The following GPHN variants were observed in gnomAD, a reference collection of about 807,000 sequenced individuals.
GPHN encodes the protein gephyrin.
In GPHN, 17 loss-of-function variants were observed where a neutral mutation model predicts 95.5. The observed-to-expected ratio is 0.18, with a 90% confidence interval of 0.12 to 0.27. GPHN has a LOEUF of 0.27. Among genes scored for constraint, GPHN ranks in the 10% least tolerant of loss-of-function variants. GPHN has a pLI of 1.00. For synonymous variants in GPHN, 320 were observed against 322.5 expected, an observed-to-expected ratio of 0.99 and a Z score of 0.08; for missense variants, 660 against 978.1, an observed-to-expected ratio of 0.67 and a Z score of 4.34.
the GPHN span, among the ~76,000 whole-genome samples, chr14:67,655,053 A>T: frequency 6.7e-5 from 10 of 150,244 alleles, no homozygotes; most frequent in Non-Finnish European, 8.9e-5. Context: ...AAAAAAAAAA[A>T]TTCCAGCTGG....
At chr14:67,040,199 G>C (rs1395784398) in intron 10 of GPHN, among the ~76,000 whole-genome samples, 8 of 152,046 alleles carry the variant, frequency 5.3e-5, no homozygotes, top group Non-Finnish European at 1.2e-4. Flanking sequence ...CTTCAGAAAT[G>C]TTACAAGAAT....
intron 8 of GPHN, among the ~76,000 whole-genome samples, chr14:66,941,651 A>G (rs1421603701): frequency 6.6e-6 from 1 of 151,936 alleles, no homozygotes; most frequent in African/African-American, 2.4e-5. Context: ...GACTCCTGAA[A>G]GGGAAACACA....
the GPHN span, among the ~76,000 whole-genome samples, chr14:67,194,094 G>T: frequency 6.6e-6 from 1 of 151,960 alleles, no homozygotes; most frequent in Non-Finnish European, 1.5e-5. Context: ...CAGGCACAGT[G>T]ACTCACACCT....
the GPHN span, among the ~76,000 whole-genome samples, chr14:67,285,494 G>A: frequency 1.3e-5 from 2 of 151,556 alleles, no homozygotes; most frequent in African/African-American, 2.4e-5. Flanking sequence ...AGCCTCCCGA[G>A]TAGCTGAGAC....
At chr14:66,592,845 C>A (rs9778232) in intron 1 of GPHN, among the ~76,000 whole-genome samples, 2 of 152,164 alleles carry the variant, frequency 1.3e-5, no homozygotes, top group Middle Eastern at 3.2e-3. Context: ...AGGACACATG[C>A]ACACATACGT....
At chr14:66,615,034 A>AAGAATG (rs1555361179) in intron 1 of GPHN, among the ~76,000 whole-genome samples, 9 of 152,172 alleles carry the variant, frequency 5.9e-5, no homozygotes, top group African/African-American at 2.2e-4. Context: ...GTCCCTGCAA[A>AAGAATG]AGACATGATC....
the GPHN span, chr14:67,678,569 A>AT: frequency 1.7e-6 from 1 of 579,736 alleles, no homozygotes; most frequent in South Asian, 2.1e-5. Context: ...TTATCTCTTC[A>AT]TTCTCCAGTC....
At chr14:67,542,043 G>T in the GPHN span, 3 of 1,504,914 alleles carry the variant, frequency 2.0e-6, no homozygotes, top group Non-Finnish European at 1.8e-6. Context: ...GAGGTTTATG[G>T]CAGGGAGGGC....
At chr14:67,006,978 T>G (rs2072653560) in intron 9 of GPHN, among the ~76,000 whole-genome samples, 1 of 152,174 alleles carries the variant, frequency 6.6e-6, no homozygotes, top group South Asian at 2.1e-4. Flanking sequence ...ATGACTTAAT[T>G]CCCTCATATC....
rs192817829 is a variant in GPHN at position 67,156,921 on chromosome 14, G to A, written c.1837-2494G>A. ...GAGACAGAGGTTGCCAACGTGAGCC[G>A]AGATCGCGCCACTGCACTCCAGCCT... On this transcript the variant is annotated intron_variant, in intron 18 of 22. Transcript: ENST00000478722. Among the ~76,000 whole-genome samples, 316 of 150,812 alleles carry A rather than the reference G, an allele frequency of 2.1e-3. 1 individual carries two copies. The highest frequency in any genetic ancestry group is 7.2e-3 in the African/African-American group (295 of 41,044).
chr14:66,835,695 C>A (rs1226624246), intron 4 of GPHN, among the ~76,000 whole-genome samples: 3 of 152,036 alleles, frequency 2.0e-5, no homozygotes, highest in Admixed American at 2.0e-4. Flanking sequence ...ATCTAGAAAA[C>A]CCCATTGTCT....
the GPHN span, among the ~76,000 whole-genome samples, chr14:67,367,247 T>G: frequency 1.3e-4 from 20 of 152,316 alleles, no homozygotes; most frequent in Admixed American, 9.8e-4. Flanking sequence ...TCTCTTTTTT[T>G]GGGGGATGGA....
At chr14:66,675,213 G>A (rs144665518) in intron 1 of GPHN, among the ~76,000 whole-genome samples, 8,746 of 147,866 alleles carry the variant, frequency 0.059, 341 homozygotes, top group Middle Eastern at 0.094. Flanking sequence ...GCACGATCTC[G>A]GCTCACTGCA....
chr14:67,259,505 A>T, the GPHN span, among the ~76,000 whole-genome samples: 5 of 152,022 alleles, frequency 3.3e-5, no homozygotes, highest in African/African-American at 4.8e-5. Context: ...CCAGTTACTC[A>T]GGAGGCTGAG....
chr14:66,986,016 G>A (rs2071006480), intron 9 of GPHN, among the ~76,000 whole-genome samples: 2 of 151,904 alleles, frequency 1.3e-5, no homozygotes, highest in African/African-American at 4.8e-5. Context: ...TATAATTTGG[G>A]GTTCTAGAAT....
chr14:67,158,048 T>C (rs913341963), intron 18 of GPHN, among the ~76,000 whole-genome samples: 1 of 152,016 alleles, frequency 6.6e-6, no homozygotes, highest in Non-Finnish European at 1.5e-5. Flanking sequence ...GGTTCACGCC[T>C]GTAATCCCAG....
chr14:67,479,929 C>G, the GPHN span, among the ~76,000 whole-genome samples: 1 of 152,064 alleles, frequency 6.6e-6, no homozygotes, highest in African/African-American at 2.4e-5. Context: ...GTTCAGGGAC[C>G]CCAGATGATC....
intron 1 of GPHN, among the ~76,000 whole-genome samples, chr14:66,595,583 G>A (rs1280093848): frequency 6.6e-6 from 1 of 152,222 alleles, no homozygotes; most frequent in Non-Finnish European, 1.5e-5. Context: ...TAGTTGTGGT[G>A]TGGTGGACAG....
chr14:66,645,691 CAAAA>C (rs35278627), intron 1 of GPHN, among the ~76,000 whole-genome samples: 1 of 109,078 alleles, frequency 9.2e-6, no homozygotes. Flanking sequence ...GACTCCATTT[CAAAA>C]AAAAAAAAAA....
Sources: allele counts gnomAD v4.1 joint callset (sites outside exome capture counted in the v4.1 genomes callset), GRCh38; gene constraint gnomAD v4.1.1; transcripts MANE v1.5; gene names NCBI Gene and HGNC (gene_info 2026-07-23, HGNC 2026-07-21).